DGKG: variants seen among roughly 807,000 people sequenced by gnomAD.
DGKG encodes the protein diacylglycerol kinase gamma, also known as DAG kinase gamma.
Under a neutral mutation model 105.3 loss-of-function variants are expected in DGKG, and 78 were observed. That is an observed-to-expected ratio of 0.74 (90% CI 0.62 to 0.89). The LOEUF is 0.89. DGKG is among the 40% of genes least tolerant of loss of function. The pLI is 0.00. For synonymous variants in DGKG, 346 were observed against 367.1 expected, an observed-to-expected ratio of 0.94 and a Z score of 0.66; for missense variants, 958 against 1,020.1, an observed-to-expected ratio of 0.94 and a Z score of 0.83.
At chr3:186,205,663 T>C (rs926728150) in intron 21 of DGKG, among the ~76,000 whole-genome samples, 1 of 151,918 alleles carries the variant, frequency 6.6e-6, no homozygotes, top group Admixed American at 6.6e-5. Context: ...TGGGCTGAGA[T>C]TGCACCACCG....
intron 1 of DGKG, among the ~76,000 whole-genome samples, chr3:186,330,591 C>T (rs1725555278): frequency 6.6e-6 from 1 of 152,198 alleles, no homozygotes; most frequent in South Asian, 2.1e-4. Context: ...GGAGAGATCA[C>T]ATAGAGACCA....
At chr3:186,323,900 G>A (rs557111616) in intron 1 of DGKG, among the ~76,000 whole-genome samples, 23 of 142,602 alleles carry the variant, frequency 1.6e-4, no homozygotes, top group Admixed American at 1.3e-3. Context: ...TTGCGCCACT[G>A]CACTCCAGCC....
intron 1 of DGKG, among the ~76,000 whole-genome samples, chr3:186,324,572 A>G (rs901545054): frequency 6.6e-6 from 1 of 152,060 alleles, no homozygotes; most frequent in Non-Finnish European, 1.5e-5. Flanking sequence ...GGGCACAAAC[A>G]CACTCTTCTC....
At chr3:186,189,349 A>G (rs1225896848) in intron 21 of DGKG, among the ~76,000 whole-genome samples, 3 of 152,246 alleles carry the variant, frequency 2.0e-5, no homozygotes, top group Non-Finnish European at 4.4e-5. Flanking sequence ...CTATAAAGTC[A>G]GCCCACTTTG....
rs375772716 is a variant in DGKG at position 186,275,531 on chromosome 3, A to G, written c.910+16T>C. 5.6e-6 allele frequency: 9 copies of G among 1,608,118 alleles called. No homozygotes were observed. Among genetic ancestry groups the G allele is most frequent in the African/African-American group, 1.3e-5 (1 of 74,806 alleles). ...GATAGTGCCTGGGGGAAGAGGTTTGAAGGAAATTTACTCACAAGTGCAGCA... is the reference window on the plus strand; with the variant it reads ...GATAGTGCCTGGGGGAAGAGGTTTGGAGGAAATTTACTCACAAGTGCAGCA... On this transcript the variant is annotated intron_variant, in intron 10 of 24. Transcript: ENST00000265022.
At chr3:186,268,333 T>C (rs1243073367) in intron 12 of DGKG, among the ~76,000 whole-genome samples, 1 of 152,218 alleles carries the variant, frequency 6.6e-6, no homozygotes, top group East Asian at 1.9e-4. Flanking sequence ...GGCTGTGGAC[T>C]CTAGCATGTG....
chr3:186,359,626 G>A (rs2108682396), intron 1 of DGKG, among the ~76,000 whole-genome samples: 1 of 152,266 alleles, frequency 6.6e-6, no homozygotes, highest in South Asian at 2.1e-4. Context: ...TAACACCTCA[G>A]AGGGACTCCT....
At chr3:186,151,761 G>C (rs1453695061) in intron 24 of DGKG, among the ~76,000 whole-genome samples, 1 of 152,172 alleles carries the variant, frequency 6.6e-6, no homozygotes, top group Non-Finnish European at 1.5e-5. Flanking sequence ...GGGGTAGTGA[G>C]TGCCTGGCTA....
chr3:186,318,457 T>C (rs1470598278), intron 2 of DGKG, among the ~76,000 whole-genome samples: 1 of 152,228 alleles, frequency 6.6e-6, no homozygotes, highest in East Asian at 1.9e-4. Flanking sequence ...AATCCTCTGT[T>C]ATCGGTTCAA....
At chr3:186,295,100 A>G (rs1723485903) in intron 5 of DGKG, among the ~76,000 whole-genome samples, 1 of 152,198 alleles carries the variant, frequency 6.6e-6, no homozygotes, top group Non-Finnish European at 1.5e-5. Context: ...CTGTGACAGG[A>G]GAAAAGATTA....
At chr3:186,181,722 A>G (rs1717366818) in intron 22 of DGKG, among the ~76,000 whole-genome samples, 1 of 152,190 alleles carries the variant, frequency 6.6e-6, no homozygotes, top group Non-Finnish European at 1.5e-5. Flanking sequence ...AAAAAGAGAG[A>G]AACTACATCT....
rs191504079 is a variant in DGKG at position 186,184,134 on chromosome 3, G to C, written c.2095+4068C>G. 2.9e-3 allele frequency among the ~76,000 whole-genome samples: 434 copies of C among 150,390 alleles called. 1 individual carries two copies. The highest frequency in any genetic ancestry group is 9.3e-3 in the African/African-American group (380 of 40,962). On this transcript the variant is annotated intron_variant, in intron 22 of 24. Transcript: ENST00000265022. ...GCGTAGGGACTTTTTTTTTTTTTAGGTTTGAGCTTATTATACTATGTTCCA... is the reference window on the plus strand; with the variant it reads ...GCGTAGGGACTTTTTTTTTTTTTAGCTTTGAGCTTATTATACTATGTTCCA...
chr3:186,323,392 C>A (rs1479165592), intron 1 of DGKG, among the ~76,000 whole-genome samples: 1 of 152,168 alleles, frequency 6.6e-6, no homozygotes, highest in African/African-American at 2.4e-5. Context: ...CTCTTAATAA[C>A]ATGTCAATTC....
rs375502611 is a variant in DGKG, at chr3:186,201,084, A to G, written c.1917+10711T>C. On this transcript the variant is annotated intron_variant, in intron 21 of 24. Transcript: ENST00000265022. ...AGAGTTCACAGTGATGGGTTGCTTC[A>G]GAGTTGGACAGAAGGCAAAGCTGTT... 1.9e-4 allele frequency among the ~76,000 whole-genome samples: 29 copies of G among 152,170 alleles called. 1 individual carries two copies. Among genetic ancestry groups the G allele is most frequent in the African/African-American group, 6.3e-4 (26 of 41,534 alleles).
intron 9 of DGKG, among the ~76,000 whole-genome samples, chr3:186,277,800 C>T (rs770260804): frequency 2.6e-5 from 4 of 152,060 alleles, no homozygotes; most frequent in South Asian, 2.1e-4. Flanking sequence ...GCTGCTGCTA[C>T]GATTTTCCTG....
At chr3:186,206,410 A>C (rs1179595740) in intron 21 of DGKG, among the ~76,000 whole-genome samples, 10 of 152,090 alleles carry the variant, frequency 6.6e-5, no homozygotes, top group Non-Finnish European at 1.5e-4. Flanking sequence ...AAACAAAAAA[A>C]CAAGGAATTT....
At chr3:186,209,089 T>C (rs1349104155) in intron 21 of DGKG, among the ~76,000 whole-genome samples, 5 of 125,560 alleles carry the variant, frequency 4.0e-5, no homozygotes, top group Non-Finnish European at 6.5e-5. Context: ...TTCAGTTTAC[T>C]CTTCTTTTTT....
intron 22 of DGKG, among the ~76,000 whole-genome samples, chr3:186,167,449 T>A (rs1281131348): frequency 6.6e-6 from 1 of 152,178 alleles, no homozygotes; most frequent in Admixed American, 6.5e-5. Context: ...CCGCTTCCAT[T>A]TTTTAGGAAC....
chr3:186,189,123 C>A (rs745860469), intron 21 of DGKG, among the ~76,000 whole-genome samples: 2 of 152,160 alleles, frequency 1.3e-5, no homozygotes, highest in Non-Finnish European at 2.9e-5. Flanking sequence ...AGAAAATTTT[C>A]ATTTTGCCCC....
Sources: allele counts gnomAD v4.1 joint callset (sites outside exome capture counted in the v4.1 genomes callset), GRCh38; gene constraint gnomAD v4.1.1; transcripts MANE v1.5; gene names NCBI Gene and HGNC (gene_info 2026-07-23, HGNC 2026-07-21).